Variants in OPRM1 observed in about 807,000 individuals in gnomAD.
OPRM1 encodes opioid receptor mu 1.
In OPRM1, 27 loss-of-function variants were observed where a neutral mutation model predicts 31.8. The observed-to-expected ratio is 0.85, with a 90% CI of 0.63 to 1.17. The LOEUF (loss-of-function observed/expected upper bound fraction) is 1.17. Among genes scored for constraint, OPRM1 ranks in the 50% most tolerant of loss-of-function variants. The pLI, the probability that OPRM1 is intolerant of heterozygous loss-of-function variation, is 0.00. For missense variants in OPRM1, 536 were observed against 511.1 expected, an observed-to-expected ratio of 1.05 and a Z score of -0.47; for synonymous variants, 196 against 189.9, an observed-to-expected ratio of 1.03 and a Z score of -0.26.
At chr6:154,239,242 G>A (rs1331442354) in intron 3 of OPRM1, among the ~76,000 whole-genome samples, 2 of 152,094 alleles carry the variant, frequency 1.3e-5, no homozygotes, top group Non-Finnish European at 2.9e-5. Flanking sequence ...ACAACAAGAA[G>A]TTATTGAGAA....
chr6:154,036,823 T>C (rs1779330376), upstream of OPRM1, among the ~76,000 whole-genome samples: 1 of 151,944 alleles, frequency 6.6e-6, no homozygotes, highest in African/African-American at 2.4e-5. Context: ...TAATCATTTT[T>C]TCAACTGAAT....
chr6:154,141,028 T>A (rs1798193225), intron 3 of OPRM1, among the ~76,000 whole-genome samples: 1 of 152,204 alleles, frequency 6.6e-6, no homozygotes, highest in African/African-American at 2.4e-5. Flanking sequence ...AAAACCAGAA[T>A]GTTCACTCCT....
downstream of OPRM1, among the ~76,000 whole-genome samples, chr6:154,133,927 C>A (rs1313412367): frequency 1.3e-5 from 2 of 152,226 alleles, no homozygotes; most frequent in East Asian, 3.8e-4. Flanking sequence ...TAAAGATAAA[C>A]TGTTGTCCAC....
At chr6:154,087,556 A>G in intron 1 of OPRM1, 1 of 985,432 alleles carries the variant, frequency 1.0e-6, no homozygotes, top group Non-Finnish European at 1.2e-6. Context: ...TCCAGCAACT[A>G]CATACCATGC....
chr6:154,062,667 C>T (rs1005452644), intron 1 of OPRM1, among the ~76,000 whole-genome samples: 1 of 151,906 alleles, frequency 6.6e-6, no homozygotes, highest in Non-Finnish European at 1.5e-5. Context: ...GGATGGAAAA[C>T]AGTCATCATA....
At chr6:154,092,014 TTGC>T in intron 3 of OPRM1, 2 of 773,674 alleles carry the variant, frequency 2.6e-6, no homozygotes. Flanking sequence ...AGCTATTGGT[TTGC>T]TACCTGAACT....
chr6:154,109,792 CTGTGTG>C lies in OPRM1; in HGVS notation c.1165-8855_1165-8850del, dbSNP rs377400514. Among the ~76,000 whole-genome samples, 394 of 101,202 alleles carry C rather than the reference CTGTGTG, an allele frequency of 3.9e-3. 1 individual carries two copies. Among genetic ancestry groups the C allele is most frequent in the Non-Finnish European group, 4.2e-3 (202 of 48,412 alleles). 66.4% of individuals were successfully genotyped at this position (101,202 alleles called of 152,430 possible). On this transcript the variant is annotated intron_variant, in intron 3 of 3. Coordinates refer to ENST00000330432, the MANE Select transcript of OPRM1 (RefSeq NM_000914.5). ...CCTCTCTCTCTCTCTCTCTCTCTCT[CTGTGTG>C]TGTGTGTGTGTGTGTGTGTGTGTGT...
chr6:154,179,547 C>G (rs1030808838), intron 3 of OPRM1, among the ~76,000 whole-genome samples: 1 of 152,154 alleles, frequency 6.6e-6, no homozygotes, highest in Non-Finnish European at 1.5e-5. Flanking sequence ...GTCTGACAGT[C>G]AAGTGTTTCC....
intron 1 of OPRM1, among the ~76,000 whole-genome samples, chr6:154,063,589 A>G (rs1784807924): frequency 6.6e-6 from 1 of 151,960 alleles, no homozygotes; most frequent in Admixed American, 6.5e-5. Context: ...AGTATCATTC[A>G]TCTCTAGAAC....
At chr6:154,108,292 C>G (rs899382574) in intron 3 of OPRM1, 4 of 310,092 alleles carry the variant, frequency 1.3e-5, no homozygotes, top group African/African-American at 6.5e-5. Flanking sequence ...TTAATCCGAC[C>G]TCTGACTTGC....
At chr6:154,164,492 G>C (rs943516339) in intron 3 of OPRM1, among the ~76,000 whole-genome samples, 12 of 152,348 alleles carry the variant, frequency 7.9e-5, no homozygotes, top group African/African-American at 2.9e-4. Context: ...CAGCAGCCCA[G>C]CTTCTCCTGG....
At chr6:154,099,578 G>A (rs552147976) in intron 3 of OPRM1, among the ~76,000 whole-genome samples, 11 of 149,680 alleles carry the variant, frequency 7.3e-5, no homozygotes, top group African/African-American at 2.0e-4. Flanking sequence ...AAACCATATC[G>A]TCTATGACTT....
chr6:154,052,155 C>G (rs372254514), intron 1 of OPRM1, among the ~76,000 whole-genome samples: 1 of 151,916 alleles, frequency 6.6e-6, no homozygotes, highest in Non-Finnish European at 1.5e-5. Context: ...GGGAGAGGAA[C>G]AGCACACACT....
At position 154,152,347 on chromosome 6, in the gene OPRM1, G is replaced by GGAAAGAAAGAAA. The variant is rs71021028; in HGVS notation, c.1164+60910_1164+60921dup. The stretch of plus-strand genomic sequence containing the variant: ...AGAAAGAAAGAAAGAAAGAAAGAAA[G>GGAAAGAAAGAAA]GAAAGAAAGAAAGAAAGAAAGAAAG... On this transcript the variant is annotated intron_variant, in intron 3 of 3. Transcript: ENST00000337049. Among the ~76,000 whole-genome samples the GGAAAGAAAGAAA allele has an allele frequency of 3.2e-3, 209 of 65,170 alleles. 2 individuals carry two copies. Among genetic ancestry groups the GGAAAGAAAGAAA allele is most frequent in the South Asian group, 7.7e-3 (12 of 1,568 alleles). 42.8% of individuals were successfully genotyped at this position (65,170 alleles called of 152,430 possible). A position where few individuals can be genotyped will look rare whatever the true frequency, so the allele number is the denominator to read the frequency against.
At chr6:154,105,964 G>T (rs1460320121) in intron 3 of OPRM1, among the ~76,000 whole-genome samples, 4 of 151,998 alleles carry the variant, frequency 2.6e-5, no homozygotes, top group African/African-American at 9.7e-5. Flanking sequence ...ATTTTTTTGT[G>T]TAAGAGCAGA....
At chr6:154,081,634 T>G (rs1789178241) in intron 1 of OPRM1, among the ~76,000 whole-genome samples, 1 of 152,208 alleles carries the variant, frequency 6.6e-6, no homozygotes, top group Admixed American at 6.5e-5. Flanking sequence ...ATTTCCAAGA[T>G]ACTCTCAGCA....
At position 154,191,130 on chromosome 6, in the gene OPRM1, A is replaced by G. The variant is rs146238372; in HGVS notation, c.1165-55563A>G. Among the ~76,000 whole-genome samples, 66 of 152,328 alleles carry G rather than the reference A, an allele frequency of 4.3e-4. 1 individual carries two copies. In the East Asian group the frequency reaches 0.012, roughly 29 times the overall value. On this transcript the variant is annotated intron_variant, in intron 3 of 3. Transcript: ENST00000337049. Reference sequence around the variant, plus strand: ...TAAATTCATATTACCAAATGAAAGAAGCCAATCTGAAAAGGGTACATACCA... The same window carrying G: ...TAAATTCATATTACCAAATGAAAGAGGCCAATCTGAAAAGGGTACATACCA...
chr6:154,186,301 T>C (rs1199832350), intron 3 of OPRM1, among the ~76,000 whole-genome samples: 1 of 152,236 alleles, frequency 6.6e-6, no homozygotes, highest in African/African-American at 2.4e-5. Context: ...ATTATTTTAG[T>C]CATTCAGGCT....
chr6:154,147,053 T>C (rs1447835620), intron 3 of OPRM1, among the ~76,000 whole-genome samples: 1 of 152,126 alleles, frequency 6.6e-6, no homozygotes, highest in Admixed American at 6.5e-5. Context: ...AATCAGTTAT[T>C]GGTCACTGGC....
Sources: gnomAD v4.1 joint callset for allele counts (sites outside exome capture counted in the v4.1 genomes callset) on GRCh38, gnomAD v4.1.1 for gene constraint, MANE v1.5 for transcripts, NCBI Gene and HGNC (gene_info 2026-07-23, HGNC 2026-07-21) for gene names.